Variants in USP45 observed in about 807,000 individuals in gnomAD.
The protein encoded by USP45 is ubiquitin carboxyl-terminal hydrolase 45.
A neutral mutation model predicts 95.8 loss-of-function variants in USP45; 89 were observed. The ratio of observed to expected loss-of-function variants is 0.93; its 90% CI spans 0.78 to 1.11. USP45 has a LOEUF of 1.11. Among genes scored for constraint, USP45 ranks in the 50% least tolerant of loss-of-function variants. The probability of loss-of-function intolerance (pLI) is 0.00; values close to 1 mark genes in which losing one functional copy is unlikely to be tolerated. For synonymous variants in USP45, 281 were observed against 316.2 expected (o/e 0.89, Z 1.18); for missense variants, 898 against 942.5 (o/e 0.95, Z 0.62).
intron 9 of USP45, among the ~76,000 whole-genome samples, chr6:99,473,777 A>AATACACACACACACACACACAC (rs1790076377): frequency 7.8e-5 from 10 of 127,734 alleles, no homozygotes; most frequent in Non-Finnish European, 1.4e-4. Flanking sequence ...AAAAAAACAA[A>AATACACACACACACACACACAC]ACACACACAC....
chr6:99,439,877 T>C, intron 15 of USP45, 22 bp from the exon 16 acceptor site: 5 of 1,559,606 alleles, frequency 3.2e-6, no homozygotes, highest in Non-Finnish European at 4.4e-6. Context: ...CAAAACATTT[T>C]TGAAATGCAA....
At chr6:99,502,491 T>C (rs1161075935) in intron 5 of USP45, among the ~76,000 whole-genome samples, 2 of 152,222 alleles carry the variant, frequency 1.3e-5, no homozygotes, top group Non-Finnish European at 2.9e-5. Flanking sequence ...GTTTCTGATG[T>C]GAGGGCAGTC....
chr6:99,477,097 GAATAT>G (rs1174168794), intron 8 of USP45, among the ~76,000 whole-genome samples: 1 of 152,084 alleles, frequency 6.6e-6, no homozygotes, highest in Non-Finnish European at 1.5e-5. Context: ...AAAATAATTA[GAATAT>G]ATTATAGTAG....
chr6:99,470,562 A>G (rs1219242158), intron 9 of USP45, among the ~76,000 whole-genome samples: 1 of 152,228 alleles, frequency 6.6e-6, no homozygotes, highest in Admixed American at 6.5e-5. Flanking sequence ...ACCGTGTGAC[A>G]CAAGTCCTGA....
intron 16 of USP45, among the ~76,000 whole-genome samples, chr6:99,439,092 T>A (rs1364843787): frequency 6.6e-6 from 1 of 152,234 alleles, no homozygotes; most frequent in Non-Finnish European, 1.5e-5. Context: ...TTTGTTTTGA[T>A]TATCAATGTG....
At chr6:99,506,056 C>T (rs1435250274) in intron 4 of USP45, among the ~76,000 whole-genome samples, 1 of 152,178 alleles carries the variant, frequency 6.6e-6, no homozygotes, top group Non-Finnish European at 1.5e-5. Context: ...CAAATAAAAA[C>T]ACAAATGCAG....
intron 1 of USP45, among the ~76,000 whole-genome samples, chr6:99,512,873 C>T (rs1378753127): frequency 2.0e-5 from 3 of 152,178 alleles, no homozygotes; most frequent in Non-Finnish European, 4.4e-5. Context: ...ATTTAAGTAT[C>T]CCCTTCTCTG....
intron 5 of USP45, among the ~76,000 whole-genome samples, chr6:99,492,604 C>G (rs1795424501): frequency 6.6e-6 from 1 of 151,712 alleles, no homozygotes; most frequent in Admixed American, 6.6e-5. Flanking sequence ...AAGTGATTCT[C>G]GTGCCTCAGT....
chr6:99,511,639 G>A (rs1004119226), intron 1 of USP45, among the ~76,000 whole-genome samples: 1 of 151,744 alleles, frequency 6.6e-6, no homozygotes, highest in Non-Finnish European at 1.5e-5. Context: ...TCTTAGTAGA[G>A]ATGGGATTTC....
At position 99,488,570 on chromosome 6, in the gene USP45, G is replaced by T. The variant is rs1460301262; in HGVS notation, c.618+111C>A. The stretch of plus-strand genomic sequence containing the variant: ...ATAGCGTAAACAAAAGGAAAACAGA[G>T]AAATTTCTAGAGGAACATTTAGCAG... On this transcript the variant is annotated intron_variant, in intron 6 of 17. Transcript: ENST00000500704. 13 of 1,230,036 alleles carry T rather than the reference G, an allele frequency of 1.1e-5. No homozygotes were observed. The South Asian group carries it at 1.6e-4, about 15-fold the overall frequency. 76.2% of individuals were successfully genotyped at this position (1,230,036 alleles called of 1,614,324 possible). A position where few individuals can be genotyped will look rare whatever the true frequency, so the allele number is the denominator to read the frequency against.
chr6:99,463,540 T>C (rs979475044), intron 13 of USP45, among the ~76,000 whole-genome samples: 2 of 151,938 alleles, frequency 1.3e-5, no homozygotes, highest in Non-Finnish European at 2.9e-5. Flanking sequence ...AATCTGTAGA[T>C]GAAAAGAGAT....
At chr6:99,517,154 C>T (rs1334256329), upstream of USP45, among the ~76,000 whole-genome samples, 3 of 152,010 alleles carry the variant, frequency 2.0e-5, no homozygotes, top group Non-Finnish European at 4.4e-5. Context: ...TACCTTTTCA[C>T]TTAATTGAAT....
chr6:99,492,518 G>A (rs1390726695), intron 5 of USP45, among the ~76,000 whole-genome samples: 1 of 149,760 alleles, frequency 6.7e-6, no homozygotes, highest in Non-Finnish European at 1.5e-5. Flanking sequence ...TTTTGAGATA[G>A]AGTCTTGCTC....
intron 5 of USP45, among the ~76,000 whole-genome samples, chr6:99,497,319 G>GGGAA (rs1233400703): frequency 2.0e-5 from 3 of 152,122 alleles, no homozygotes; most frequent in African/African-American, 7.2e-5. Context: ...AATCTACACA[G>GGGAA]CTGTAAGCAT....
Position 99,482,856 on chromosome 6 carries a change from G to T in USP45, c.742C>A (p.Pro248Thr). Residue 248 changes from proline to threonine, a missense_variant, in exon 8 of 18, where the codon CCT becomes ACT. Coordinates refer to ENST00000500704, the MANE Select transcript of USP45 (RefSeq NM_001346022.3). ...AACAAGGCTGAGGTCAGTGGTCCAG[G>T]CCTTGAAAGTTCCACCACCAATGGG... is the stretch of plus-strand genomic sequence containing the variant. ...LDPLVVELSRPGPLTSALFLF... is the reference protein window; with the variant it reads ...LDPLVVELSRTGPLTSALFLF... 1 of 1,567,898 alleles carries T rather than the reference G, an allele frequency of 6.4e-7. No homozygotes were observed. The highest frequency in any genetic ancestry group is 1.3e-5 in the South Asian group (1 of 79,442).
chr6:99,453,761 C>A (rs747363129), intron 13 of USP45, among the ~76,000 whole-genome samples: 2 of 152,090 alleles, frequency 1.3e-5, no homozygotes, highest in Non-Finnish European at 2.9e-5. Flanking sequence ...GAATTTGAGA[C>A]CAGTCTGGCC....
chr6:99,472,221 A>AT (rs5878580), intron 9 of USP45, among the ~76,000 whole-genome samples: 14,824 of 143,630 alleles, frequency 0.1, 901 homozygotes, highest in African/African-American at 0.16. Flanking sequence ...TCACTTACTA[A>AT]TTTTTTTTTT....
chr6:99,461,337 A>G (rs1172652529), intron 13 of USP45: 2 of 985,200 alleles, frequency 2.0e-6, no homozygotes, highest in East Asian at 1.1e-4. Context: ...ACTTCACATA[A>G]TATCTTTTGG....
intron 5 of USP45, among the ~76,000 whole-genome samples, chr6:99,496,295 CT>C (rs201745902): frequency 4.6e-5 from 7 of 150,928 alleles, no homozygotes; most frequent in South Asian, 2.1e-4. Flanking sequence ...CATGTATCAC[CT>C]TTTTTTTTAA....
Sources: gnomAD v4.1 joint callset for allele counts (sites outside exome capture counted in the v4.1 genomes callset) on GRCh38, gnomAD v4.1.1 for gene constraint, MANE v1.5 for transcripts, NCBI Gene and HGNC (gene_info 2026-07-23, HGNC 2026-07-21) for gene names.